PLEKHG3: variants seen among roughly 807,000 people sequenced by gnomAD.
PLEKHG3 encodes pleckstrin homology domain-containing family G member 3.
A neutral mutation model predicts 94.9 loss-of-function variants in PLEKHG3; 62 were observed. The ratio of observed to expected loss-of-function variants is 0.65; its 90% CI spans 0.53 to 0.81. The LOEUF (loss-of-function observed/expected upper bound fraction) is 0.81, where lower values mean the gene tolerates loss of function less well. Ranked by LOEUF, PLEKHG3 falls within the 30% of genes least tolerant of loss-of-function variation. PLEKHG3 has a pLI of 0.00. For synonymous variants in PLEKHG3, 614 were observed against 654.0 expected (o/e 0.94, Z 0.93); for missense variants, 1,461 against 1,619.3 (o/e 0.90, Z 1.68).
Position 64,743,473 on chromosome 14 carries a change from G to GT in PLEKHG3, c.3431dup (p.Ile1145AspfsTer65). The GT allele has an allele frequency of 6.2e-7, 1 of 1,613,222 alleles. No homozygotes were observed. The highest frequency in any genetic ancestry group is 8.5e-7 in the Non-Finnish European group (1 of 1,180,016). On this transcript the variant is annotated frameshift_variant, in exon 17 of 17. Transcript: ENST00000247226. LOFTEE classifies it low-confidence loss of function (END_TRUNC). This position sits in a 1 kb window ranked among gnomAD's most constrained non-coding sequence, Gnocchi z 7.2. The stretch of plus-strand genomic sequence containing the variant: ...CCTCACCCTGGAGGACAACCGGCGG[G>GT]TGATTGTCATGGAGAAGGGACCCCT...
Position 64,728,288 on chromosome 14 carries a change from G to C in PLEKHG3, c.351+306G>C, listed in dbSNP as rs1366672701. Among the ~76,000 whole-genome samples the C allele has an allele frequency of 6.6e-6, 1 of 152,224 alleles. No homozygotes were observed. Among genetic ancestry groups the C allele is most frequent in the Non-Finnish European group, 1.5e-5 (1 of 68,040 alleles). On this transcript the variant is annotated intron_variant, in intron 2 of 16. Transcript: ENST00000247226. The surrounding 1 kb of genome is among the most constrained non-coding windows in gnomAD (Gnocchi z 5.9). ...AGTGAAGACATGGGCTCTGGGCCTGGCCCCATGCATCCCCTGCCCTGTTGT... is the reference window on the plus strand; with the variant it reads ...AGTGAAGACATGGGCTCTGGGCCTGCCCCCATGCATCCCCTGCCCTGTTGT...
At chr14:64,719,045 A>C (rs1004051083) in intron 1 of PLEKHG3, among the ~76,000 whole-genome samples, 1 of 151,914 alleles carries the variant, frequency 6.6e-6, no homozygotes, top group Non-Finnish European at 1.5e-5. Context: ...CTCACTTAAT[A>C]CTTCATTTCT....
rs1346946269 is a variant in PLEKHG3 at position 64,747,635 on chromosome 14, CA to C, written c.*3933del. On this transcript the variant is annotated 3_prime_UTR_variant, in exon 17 of 17. Transcript: ENST00000247226. The stretch of plus-strand genomic sequence containing the variant: ...GCACTGGTCAGCACTCAGGGTTCCT[CA>C]GGGGGCCTCATTCTGGATGCCTGCC... 6 of 152,292 alleles carry C rather than the reference CA, an allele frequency of 3.9e-5. No individual in the cohort carries two copies. Among genetic ancestry groups the C allele is most frequent in the Non-Finnish European group, 8.8e-5 (6 of 68,108 alleles). 9.4% of individuals were successfully genotyped at this position (152,292 alleles called of 1,614,324 possible).
In PLEKHG3 at chr14:64,745,423, T is replaced by C. The variant is rs1419375998; in HGVS notation, c.*1720T>C. ...CCAACCTGAAGATGGGTCTGCTAAG[T>C]CTAACAAGGTCAAGGGAAGATCAGA... On this transcript the variant is annotated 3_prime_UTR_variant, in exon 17 of 17. Coordinates refer to ENST00000247226, the MANE Select transcript of PLEKHG3 (RefSeq NM_001308147.2). The surrounding 1 kb of genome is among the most constrained non-coding windows in gnomAD (Gnocchi z 5.0). The C allele has an allele frequency of 6.6e-6, 1 of 152,210 alleles. No individual in the cohort carries two copies. The highest frequency in any genetic ancestry group is 2.4e-5 in the African/African-American group (1 of 41,458). The allele number at this position is 152,210 out of a possible 1,614,324, so 9.4% of individuals were successfully genotyped here.
In PLEKHG3 at chr14:64,730,758, G is replaced by A. The variant is rs780965082; in HGVS notation, c.567-41G>A. On this transcript the variant is annotated intron_variant, in intron 5 of 16. Coordinates refer to ENST00000247226, the MANE Select transcript of PLEKHG3 (RefSeq NM_001308147.2). The surrounding 1 kb of genome is among the most constrained non-coding windows in gnomAD (Gnocchi z 5.4). Reference sequence around the variant, plus strand: ...CCAGAGCCCCCCACTTCCTCATCCAGGCCTTCCCCAGGTGGTGACTGGCCC... The same window carrying A: ...CCAGAGCCCCCCACTTCCTCATCCAAGCCTTCCCCAGGTGGTGACTGGCCC... 22 of 1,612,648 alleles carry A rather than the reference G, an allele frequency of 1.4e-5. No homozygotes were observed. The highest frequency in any genetic ancestry group is 1.8e-5 in the Non-Finnish European group (21 of 1,178,958).
At chr14:64,711,849 G>A (rs912532203) in intron 1 of PLEKHG3, among the ~76,000 whole-genome samples, 17 of 152,228 alleles carry the variant, frequency 1.1e-4, no homozygotes, top group Non-Finnish European at 8.8e-5. Context: ...TTTTGATGAT[G>A]AAGTACAATT....
intron 1 of PLEKHG3, among the ~76,000 whole-genome samples, chr14:64,719,659 G>T (rs1000590554): frequency 1.3e-5 from 2 of 152,028 alleles, no homozygotes; most frequent in African/African-American, 2.4e-5. Context: ...GAGGGACCCA[G>T]TGGGGGCCCC....
At chr14:64,737,112 C>T (rs768282428) in intron 13 of PLEKHG3, 37 of 646,324 alleles carry the variant, frequency 5.7e-5, no homozygotes, top group South Asian at 5.2e-4. Context: ...CCCTTTCCTC[C>T]GGAAACAATG....
rs541720862 is a variant in PLEKHG3 at position 64,723,261 on chromosome 14, G to A, written c.-39-4332G>A. Among the ~76,000 whole-genome samples, 8 of 152,264 alleles carry A rather than the reference G, an allele frequency of 5.3e-5. No individual in the cohort carries two copies. Among genetic ancestry groups the A allele is most frequent in the African/African-American group, 1.9e-4 (8 of 41,564 alleles). On this transcript the variant is annotated intron_variant, in intron 1 of 16. Transcript: ENST00000247226. This position sits in a 1 kb window ranked among gnomAD's most constrained non-coding sequence, Gnocchi z 4.5. Reference sequence around the variant, plus strand: ...ATCCTTAAAGGTGTATGTCTGAGCTGCTGCTTAGGCCCATCAAAAAGAAAG... The same window carrying A: ...ATCCTTAAAGGTGTATGTCTGAGCTACTGCTTAGGCCCATCAAAAAGAAAG...
rs1460049361 is a variant in PLEKHG3, at chr14:64,715,932, G to T, written c.-40+11228G>T. 4.7e-6 allele frequency: 2 copies of T among 427,244 alleles called. No homozygotes were observed. Among genetic ancestry groups the T allele is most frequent in the South Asian group, 3.3e-5 (2 of 61,040 alleles). 26.5% of individuals were successfully genotyped at this position (427,244 alleles called of 1,614,324 possible). On this transcript the variant is annotated intron_variant, in intron 1 of 16. Transcript: ENST00000247226. This position sits in a 1 kb window ranked among gnomAD's most constrained non-coding sequence, Gnocchi z 4.4. ...ATAGAACATTTATTGACGAAGTTTT[G>T]CAGGAGGCGGCGGGCGCTTTAATTC...
rs897620617 is a variant in PLEKHG3 at position 64,722,708 on chromosome 14, G to C, written c.-39-4885G>C. 1.3e-5 allele frequency among the ~76,000 whole-genome samples: 2 copies of C among 152,190 alleles called. No homozygotes were observed. Among genetic ancestry groups the C allele is most frequent in the African/African-American group, 4.8e-5 (2 of 41,442 alleles). On this transcript the variant is annotated intron_variant, in intron 1 of 16. Coordinates refer to ENST00000247226, the MANE Select transcript of PLEKHG3 (RefSeq NM_001308147.2). The surrounding 1 kb of genome is among the most constrained non-coding windows in gnomAD (Gnocchi z 4.3). Reference sequence around the variant, plus strand: ...GGATGAAATGACGACATCAGCCTCTGAACCAGAATGTTTTCTGGGGAGTCT... The same window carrying C: ...GGATGAAATGACGACATCAGCCTCTCAACCAGAATGTTTTCTGGGGAGTCT...
rs1290454390 is a variant in PLEKHG3, at chr14:64,727,307, G to A, written c.-39-286G>A. ...AGTCTGAGAACAGGGCCCTTCTTGG[G>A]ATTCAGTTTTGTTTTGTTAATTGTG... On this transcript the variant is annotated intron_variant, in intron 1 of 16. Transcript: ENST00000247226. The surrounding 1 kb of genome is among the most constrained non-coding windows in gnomAD (Gnocchi z 6.0). 2.0e-5 allele frequency among the ~76,000 whole-genome samples: 3 copies of A among 152,098 alleles called. No individual in the cohort carries two copies. Among genetic ancestry groups the A allele is most frequent in the Non-Finnish European group, 4.4e-5 (3 of 68,016 alleles).
chr14:64,726,723 TG>T lies in PLEKHG3; in HGVS notation c.-39-866del, dbSNP rs1014958220. Among the ~76,000 whole-genome samples the T allele has an allele frequency of 2.0e-5, 3 of 152,170 alleles. No individual in the cohort carries two copies. The highest frequency in any genetic ancestry group is 1.3e-4 in the Admixed American group (2 of 15,282). ...CAGAGACTCACTGATGGCTTAGCCCTGGGGAATTTCCTGGGGCCTGGGATGA... is the reference window on the plus strand; with the variant it reads ...CAGAGACTCACTGATGGCTTAGCCCTGGGAATTTCCTGGGGCCTGGGATGA... On this transcript the variant is annotated intron_variant, in intron 1 of 16. Transcript: ENST00000247226. The surrounding 1 kb of genome is among the most constrained non-coding windows in gnomAD (Gnocchi z 5.1).
intron 1 of PLEKHG3, among the ~76,000 whole-genome samples, chr14:64,724,906 C>T (rs229645): frequency 0.077 from 11,737 of 152,278 alleles, 497 homozygotes; most frequent in Non-Finnish European, 0.085. Flanking sequence ...AGTAATAGAA[C>T]CTACCTTCTG....
chr14:64,737,425 GC>G, intron 14 of PLEKHG3, 50 bp downstream of exon 14: 4 of 1,324,998 alleles, frequency 3.0e-6, no homozygotes, highest in Non-Finnish European at 4.2e-6. Context: ...GGGTGGGACT[GC>G]CCAGGTCAGC....
chr14:64,737,844 G>T, intron 14 of PLEKHG3: 9 of 1,163,296 alleles, frequency 7.7e-6, no homozygotes, highest in African/African-American at 1.6e-5. Context: ...TCACGAGGGG[G>T]TCTTGTGCTC....
intron 1 of PLEKHG3, among the ~76,000 whole-genome samples, chr14:64,711,056 A>G (rs1021465331): frequency 1.3e-5 from 2 of 152,218 alleles, no homozygotes. Flanking sequence ...TAATAATATC[A>G]CTAATCCTTT....
In PLEKHG3 at chr14:64,741,200, G is replaced by GCAGCT; in HGVS notation, c.1683_1684insCAGCT (p.Asp562GlnfsTer16). The GCAGCT allele has an allele frequency of 6.2e-7, 1 of 1,614,092 alleles. No homozygotes were observed. Among genetic ancestry groups the GCAGCT allele is most frequent in the Non-Finnish European group, 8.5e-7 (1 of 1,179,984 alleles). On this transcript the variant is annotated frameshift_variant, in exon 16 of 17. Transcript: ENST00000247226. LOFTEE classifies it high-confidence loss of function. ...GGATGGACCCCCCAGGTGACATGGT[G>GCAGCT]GACTTCGTGGCAGCTGAGAGCACTG...
At chr14:64,736,072 G>A (rs2081563135) in intron 12 of PLEKHG3, among the ~76,000 whole-genome samples, 1 of 152,244 alleles carries the variant, frequency 6.6e-6, no homozygotes, top group African/African-American at 2.4e-5. Flanking sequence ...CTGACTCCAG[G>A]TGTGTAGCAA....
Sources: gnomAD v4.1 joint callset for allele counts (sites outside exome capture counted in the v4.1 genomes callset) on GRCh38, gnomAD v4.1.1 for gene constraint, Gnocchi (gnomAD v3.1) non-coding constraint, MANE v1.5 for transcripts, NCBI Gene and HGNC (gene_info 2026-07-23, HGNC 2026-07-21) for gene names.